The following PRMT7 variants were observed in gnomAD, a reference collection of about 807,000 sequenced individuals.
The protein encoded by PRMT7 is protein arginine N-methyltransferase 7.
PRMT7 carries 75 observed loss-of-function variants against 85.4 expected under a neutral mutation model. That is an observed-to-expected ratio of 0.88 (90% confidence interval 0.73 to 1.06). The LOEUF is 1.06. Ranked by LOEUF, PRMT7 falls within the 50% of genes least tolerant of loss-of-function variation. The pLI, the probability that PRMT7 is intolerant of heterozygous loss-of-function variation, is 0.00. For missense variants in PRMT7, 868 were observed against 915.2 expected (o/e 0.95, Z 0.67); for synonymous variants, 397 against 359.5 (o/e 1.10, Z -1.18).
chr16:68,332,748 C>T (rs989200786), intron 6 of PRMT7, among the ~76,000 whole-genome samples: 2 of 152,212 alleles, frequency 1.3e-5, no homozygotes, highest in Admixed American at 6.5e-5. Context: ...TTTAACTCAG[C>T]AAGACTGCCG....
chr16:68,330,132 G>T (rs150757119), intron 6 of PRMT7, among the ~76,000 whole-genome samples: 7 of 152,086 alleles, frequency 4.6e-5, no homozygotes, highest in Admixed American at 3.3e-4. Context: ...GACCTCAGGT[G>T]ATCCGCCTGC....
chr16:68,330,392 C>A (rs907702968), intron 6 of PRMT7, among the ~76,000 whole-genome samples: 1 of 151,412 alleles, frequency 6.6e-6, no homozygotes, highest in Non-Finnish European at 1.5e-5. Context: ...AACTCTTATG[C>A]TAAAGTGATC....
chr16:68,311,139 G>A lies in PRMT7; in HGVS notation c.-219+40G>A, dbSNP rs1480325004. On this transcript the variant is annotated intron_variant, in intron 1 of 18. Coordinates refer to ENST00000441236, the MANE Select transcript of PRMT7 (RefSeq NM_019023.5). Reference sequence around the variant, plus strand: ...ATGCTGGGAAGGTGGGGTCGCTTTGGGGTTCTGTGTGCAGCGAGCATGGTG... The same window carrying A: ...ATGCTGGGAAGGTGGGGTCGCTTTGAGGTTCTGTGTGCAGCGAGCATGGTG... 3.6e-5 allele frequency: 24 copies of A among 664,846 alleles called. No individual in the cohort carries two copies. The Admixed American group carries it at 4.1e-4, about 11-fold the overall frequency. The allele number at this position is 664,846 out of a possible 1,614,324, so 41.2% of individuals were successfully genotyped here.
At chr16:68,348,459 C>G (rs1442935683) in intron 14 of PRMT7, 28 bp downstream of exon 14, 2 of 1,564,274 alleles carry the variant, frequency 1.3e-6, no homozygotes, top group Non-Finnish European at 1.8e-6. Flanking sequence ...TTTGGCCACG[C>G]TGGGCTGTGT....
chr16:68,324,627 C>T, intron 4 of PRMT7, 56 bp from the exon 5 acceptor site: 2 of 1,599,284 alleles, frequency 1.3e-6, no homozygotes, highest in African/African-American at 1.3e-5. Context: ...CTTTGCAAAG[C>T]ACCTTTCCAC....
chr16:68,356,084 G>A (rs960825966), intron 17 of PRMT7, among the ~76,000 whole-genome samples: 1 of 152,220 alleles, frequency 6.6e-6, no homozygotes, highest in African/African-American at 2.4e-5. Context: ...ACTGGTGGAG[G>A]AGCCAGGAAG....
intron 3 of PRMT7, among the ~76,000 whole-genome samples, chr16:68,316,347 T>G (rs914273325): frequency 6.6e-6 from 1 of 152,218 alleles, no homozygotes; most frequent in Admixed American, 6.5e-5. Context: ...CTCAGTAGTG[T>G]TGATGAAGTT....
At chr16:68,333,717 G>C (rs2084251761) in intron 6 of PRMT7, among the ~76,000 whole-genome samples, 1 of 152,074 alleles carries the variant, frequency 6.6e-6, no homozygotes, top group African/African-American at 2.4e-5. Context: ...TCTGCCTCCA[G>C]GCAGCATTGT....
At position 68,357,143 on chromosome 16, in the gene PRMT7, G is replaced by C; in HGVS notation, c.1998G>C (p.Arg666=). 1.2e-6 allele frequency: 2 copies of C among 1,614,032 alleles called. No individual in the cohort carries two copies. Among genetic ancestry groups the C allele is most frequent in the Non-Finnish European group, 1.7e-6 (2 of 1,180,024 alleles). The change falls in exon 19 of 19, where the codon CGG becomes CGC. Residue 666 remains arginine (R), a synonymous_variant. Coordinates refer to ENST00000441236, the MANE Select transcript of PRMT7 (RefSeq NM_019023.5). ...CCAGAGCACTGCTGGGTGGCCCACG[G>C]ACTGTCAGCTATGCAGTGGAGTTTC... ...PDPRALLGGP[R]TVSYAVEFHP... is the part of the protein sequence containing the mutation.
At chr16:68,356,833 A>T in intron 18 of PRMT7, 36 bp downstream of exon 18, 1 of 1,575,356 alleles carries the variant, frequency 6.3e-7, no homozygotes, top group Non-Finnish European at 8.6e-7. Flanking sequence ...GTGCGTGCAG[A>T]CCCTGAGAGC....
At chr16:68,326,789 T>G (rs2083175097) in intron 5 of PRMT7, among the ~76,000 whole-genome samples, 1 of 152,146 alleles carries the variant, frequency 6.6e-6, no homozygotes, top group Non-Finnish European at 1.5e-5. Flanking sequence ...ATCTTCAGTG[T>G]CCACTCCTGG....
chr16:68,349,553 AT>A (rs1183899533), intron 14 of PRMT7, among the ~76,000 whole-genome samples: 2 of 152,062 alleles, frequency 1.3e-5, no homozygotes, highest in Non-Finnish European at 2.9e-5. Context: ...CAGTTGAGTG[AT>A]TTTTTTAAGT....
rs1312374796 is a variant in PRMT7 at position 68,358,466 on chromosome 16, T to C, written c.*1242T>C. On this transcript the variant is annotated 3_prime_UTR_variant, in exon 19 of 19. Transcript: ENST00000441236. ...CTTCTAGGGAAGAACCGTCTGGATA[T>C]ATATTTGATAATGTTTTTACCAAAA... is the stretch of plus-strand genomic sequence containing the variant. 3 of 152,684 alleles carry C rather than the reference T, an allele frequency of 2.0e-5. No individual in the cohort carries two copies. The highest frequency in any genetic ancestry group is 7.2e-5 in the African/African-American group (3 of 41,460). 9.5% of individuals were successfully genotyped at this position (152,684 alleles called of 1,614,324 possible).
intron 9 of PRMT7, among the ~76,000 whole-genome samples, chr16:68,344,707 A>G (rs1186482245): frequency 6.6e-6 from 1 of 152,182 alleles, no homozygotes; most frequent in Non-Finnish European, 1.5e-5. Flanking sequence ...ATTGTCAACC[A>G]TGTTTCACAA....
downstream of PRMT7, chr16:68,359,637 T>G (rs1452887153): frequency 6.5e-6 from 1 of 152,700 alleles, no homozygotes; most frequent in Non-Finnish European, 1.5e-5. Context: ...AGACAGCAGG[T>G]CCTGGTGCTC....
At chr16:68,337,721 CCTCACTTAAAA>C in intron 7 of PRMT7, 150 bp downstream of exon 7, 1 of 444,448 alleles carries the variant, frequency 2.2e-6, no homozygotes, top group Non-Finnish European at 3.9e-6. Context: ...CTCTGGTTCT[CCTCACTTAAAA>C]CTTTCATGTC....
chr16:68,346,012 C>A, intron 10 of PRMT7, 133 bp from the exon 11 acceptor site: 1 of 1,413,906 alleles, frequency 7.1e-7, no homozygotes, highest in Non-Finnish European at 9.6e-7. Flanking sequence ...AGAGCAGATG[C>A]GTAGGAAAAG....
chr16:68,311,246 G>T (rs2043606723), intron 1 of PRMT7, 147 bp downstream of exon 1: 1 of 466,108 alleles, frequency 2.1e-6, no homozygotes. Flanking sequence ...GGGACACCCG[G>T]GCCTGCAGGA....
intron 3 of PRMT7, chr16:68,318,952 G>A (rs1008187833): frequency 1.3e-5 from 2 of 152,280 alleles, no homozygotes; most frequent in Non-Finnish European, 2.9e-5. Context: ...TAGTCCCAGA[G>A]CTGCATAGTC....
Sources: allele counts gnomAD v4.1 joint callset (sites outside exome capture counted in the v4.1 genomes callset), GRCh38; gene constraint gnomAD v4.1.1; transcripts MANE v1.5; gene names NCBI Gene and HGNC (gene_info 2026-07-23, HGNC 2026-07-21).